Variants in KITLG observed in about 807,000 individuals in gnomAD.
The protein encoded by KITLG is KIT ligand, also known as c-Kit ligand.
KITLG carries 13 observed loss-of-function variants against 34.1 expected under a neutral mutation model. The ratio of observed to expected loss-of-function variants is 0.38; its 90% confidence interval spans 0.25 to 0.61. KITLG has a LOEUF of 0.61. Ranked by LOEUF, KITLG falls within the 20% of genes least tolerant of loss-of-function variation. KITLG has a pLI of 0.60. For synonymous variants in KITLG, 110 were observed against 104.0 expected (o/e 1.06, Z -0.35); for missense variants, 292 against 318.9 (o/e 0.92, Z 0.64).
chr12:88,556,936 G>A (rs117247986), intron 1 of KITLG, among the ~76,000 whole-genome samples: 2 of 152,296 alleles, frequency 1.3e-5, no homozygotes, highest in Non-Finnish European at 2.9e-5. Context: ...TGACCTTAAT[G>A]AGGGCAGTTG....
chr12:88,545,695 C>A, intron 2 of KITLG, 57 bp downstream of exon 2: 1 of 978,434 alleles, frequency 1.0e-6, no homozygotes, highest in South Asian at 1.4e-5. Flanking sequence ...TCAACAAGCA[C>A]AGGAAAAAGA....
chr12:88,524,669 T>C (rs1869800086), intron 3 of KITLG, among the ~76,000 whole-genome samples: 1 of 152,158 alleles, frequency 6.6e-6, no homozygotes. Context: ...CAGAGAATAA[T>C]GGCCTAGATA....
At chr12:88,508,333 A>AT (rs1325897599) in intron 6 of KITLG, among the ~76,000 whole-genome samples, 1 of 152,236 alleles carries the variant, frequency 6.6e-6, no homozygotes, top group East Asian at 1.9e-4. Context: ...AGAGTACATA[A>AT]TATAAAATAA....
intron 3 of KITLG, among the ~76,000 whole-genome samples, chr12:88,531,781 G>A (rs185106073): frequency 2.0e-5 from 3 of 152,144 alleles, no homozygotes; most frequent in Admixed American, 6.6e-5. Context: ...GAAGATAATC[G>A]TATTTACTTT....
chr12:88,512,756 G>GA (rs1243861672), intron 6 of KITLG, among the ~76,000 whole-genome samples: 1 of 150,250 alleles, frequency 6.7e-6, no homozygotes, highest in Non-Finnish European at 1.5e-5. Context: ...AAGACTAAAA[G>GA]AAAAAAAATC....
intron 2 of KITLG, among the ~76,000 whole-genome samples, chr12:88,540,335 C>A (rs986159665): frequency 2.6e-5 from 4 of 152,126 alleles, no homozygotes; most frequent in South Asian, 2.1e-4. Context: ...CTCTACTCAA[C>A]TATTTCCCAA....
At chr12:88,532,962 A>C (rs544825233) in intron 2 of KITLG, among the ~76,000 whole-genome samples, 39 of 152,284 alleles carry the variant, frequency 2.6e-4, no homozygotes, top group Admixed American at 9.8e-4. Context: ...GCCATACCAG[A>C]GCTACTGAAT....
rs1184606200 is a variant in KITLG, at chr12:88,494,630, G to T, written c.*2589C>A. On this transcript the variant is annotated 3_prime_UTR_variant, in exon 10 of 10. Coordinates refer to ENST00000644744, the MANE Select transcript of KITLG (RefSeq NM_000899.5). The stretch of plus-strand genomic sequence containing the variant: ...TCCAGGAACACTTCATTATCACTCA[G>T]GAGGCAACATTTATCATAAAGCCAT... 6.6e-6 allele frequency: 1 copy of T among 152,302 alleles called. No homozygotes were observed. The highest frequency in any genetic ancestry group is 1.5e-5 in the Non-Finnish European group (1 of 67,888). The allele number at this position is 152,302 out of a possible 1,614,324, so 9.4% of individuals were successfully genotyped here. A position where few individuals can be genotyped will look rare whatever the true frequency, so the allele number is the denominator to read the frequency against.
At chr12:88,521,775 T>A (rs1327458627) in intron 3 of KITLG, among the ~76,000 whole-genome samples, 1 of 152,194 alleles carries the variant, frequency 6.6e-6, no homozygotes, top group Non-Finnish European at 1.5e-5. Flanking sequence ...TGTAAAAACT[T>A]TTTTCTTGAC....
intron 1 of KITLG, among the ~76,000 whole-genome samples, chr12:88,561,861 A>G (rs576073846): frequency 1.3e-5 from 2 of 152,174 alleles, no homozygotes; most frequent in Admixed American, 6.5e-5. Context: ...GGCTTTGCCA[A>G]TGGCAAGTTG....
chr12:88,535,307 T>C (rs1334547908), intron 2 of KITLG, among the ~76,000 whole-genome samples: 1 of 152,202 alleles, frequency 6.6e-6, no homozygotes, highest in Non-Finnish European at 1.5e-5. Flanking sequence ...GTTAAGCTGA[T>C]TTACTGATAT....
At chr12:88,498,733 G>T (rs1482238469) in intron 9 of KITLG, among the ~76,000 whole-genome samples, 1 of 152,030 alleles carries the variant, frequency 6.6e-6, no homozygotes, top group African/African-American at 2.4e-5. Flanking sequence ...AAATTAGCTG[G>T]GTGTGTTAGT....
intron 6 of KITLG, among the ~76,000 whole-genome samples, chr12:88,507,491 C>T (rs1451384548): frequency 6.6e-6 from 1 of 152,148 alleles, no homozygotes; most frequent in African/African-American, 2.4e-5. Context: ...AATCTTTTTG[C>T]TTTCTCACTC....
chr12:88,561,689 T>C (rs1264477001), intron 1 of KITLG, among the ~76,000 whole-genome samples: 2 of 152,306 alleles, frequency 1.3e-5, no homozygotes, highest in East Asian at 3.9e-4. Flanking sequence ...TACAGAGACC[T>C]TCGGAAGACA....
intron 3 of KITLG, among the ~76,000 whole-genome samples, chr12:88,524,663 G>C (rs4842627): frequency 0.079 from 11,926 of 151,808 alleles, 513 homozygotes; most frequent in Non-Finnish European, 0.1. Flanking sequence ...TTCTATCAGA[G>C]AATAATGGCC....
chr12:88,557,974 A>G (rs1254340788), intron 1 of KITLG, among the ~76,000 whole-genome samples: 1 of 152,146 alleles, frequency 6.6e-6, no homozygotes, highest in East Asian at 1.9e-4. Context: ...CAAATACGTG[A>G]CTTGCTTCTG....
Position 88,494,144 on chromosome 12 carries a change from A to G in KITLG, c.*3075T>C, listed in dbSNP as rs1001246206. The stretch of plus-strand genomic sequence containing the variant: ...ACCCAAAGAAGAGAGGTGATTTACC[A>G]TATCAGTTAATGACAGACTGGAGGC... On this transcript the variant is annotated 3_prime_UTR_variant, in exon 10 of 10. Transcript: ENST00000644744. The G allele has an allele frequency of 6.6e-6, 1 of 151,914 alleles. No homozygotes were observed. Among genetic ancestry groups the G allele is most frequent in the African/African-American group, 2.4e-5 (1 of 41,428 alleles). The allele number at this position is 151,914 out of a possible 1,614,324, so 9.4% of individuals were successfully genotyped here. A position where few individuals can be genotyped will look rare whatever the true frequency, so the allele number is the denominator to read the frequency against.
chr12:88,505,747 T>C (rs921342369), intron 8 of KITLG, among the ~76,000 whole-genome samples: 2 of 152,036 alleles, frequency 1.3e-5, no homozygotes, highest in African/African-American at 4.8e-5. Flanking sequence ...ATATATAAAA[T>C]ATACAAGAGA....
intron 6 of KITLG, 39 bp downstream of exon 6, chr12:88,515,495 T>C (rs1193994569): frequency 8.6e-6 from 11 of 1,280,882 alleles, no homozygotes; most frequent in Non-Finnish European, 1.3e-5. Context: ...AGGTGCTAAT[T>C]GGAGCCATGC....
Sources: allele counts gnomAD v4.1 joint callset (sites outside exome capture counted in the v4.1 genomes callset), GRCh38; gene constraint gnomAD v4.1.1; transcripts MANE v1.5; gene names NCBI Gene and HGNC (gene_info 2026-07-23, HGNC 2026-07-21).